The following UMODL1 variants were observed in gnomAD, a reference collection of about 807,000 sequenced individuals.
UMODL1 encodes the protein uromodulin-like 1.
Under a neutral mutation model 136.3 loss-of-function variants are expected in UMODL1, and 128 were observed. That is an observed-to-expected ratio of 0.94 (90% confidence interval 0.81 to 1.09). The LOEUF (loss-of-function observed/expected upper bound fraction) is 1.09. Ranked by LOEUF, UMODL1 falls within the 50% of genes least tolerant of loss-of-function variation. The probability of loss-of-function intolerance (pLI) is 0.00; values close to 1 mark genes in which losing one functional copy is unlikely to be tolerated. For missense variants in UMODL1, 1,766 were observed against 1,725.6 expected (o/e 1.02, Z -0.41); for synonymous variants, 721 against 720.0 (o/e 1.00, Z -0.02).
At chr21:42,112,253 C>A (rs1006366453) in intron 12 of UMODL1, among the ~76,000 whole-genome samples, 1 of 151,278 alleles carries the variant, frequency 6.6e-6, no homozygotes, top group African/African-American at 2.5e-5. Flanking sequence ...CTTTTCTGCA[C>A]CCCCGGCTCT....
chr21:42,103,669 C>T (rs746239245), intron 8 of UMODL1, 199 bp from the exon 9 acceptor site: 12 of 714,466 alleles, frequency 1.7e-5, no homozygotes, highest in Non-Finnish European at 2.6e-5. Context: ...AGGCCAGGCC[C>T]GGCCGTCCCA....
chr21:42,134,885 A>C (rs1036497431), intron 21 of UMODL1, among the ~76,000 whole-genome samples: 1 of 151,866 alleles, frequency 6.6e-6, no homozygotes, highest in Non-Finnish European at 1.5e-5. Context: ...CAGCCTCCCA[A>C]GGTTCTGGGA....
At chr21:42,071,825 C>T (rs1158864773) in intron 1 of UMODL1, among the ~76,000 whole-genome samples, 2 of 144,090 alleles carry the variant, frequency 1.4e-5, no homozygotes, top group East Asian at 4.0e-4. Flanking sequence ...TCCTCACTTA[C>T]AGATTTAAAA....
At chr21:42,087,116 A>T (rs2066434999) in intron 4 of UMODL1, among the ~76,000 whole-genome samples, 1 of 152,162 alleles carries the variant, frequency 6.6e-6, no homozygotes. Flanking sequence ...TTGTGTTTTC[A>T]ATATTGCTGC....
chr21:42,081,279 A>G (rs1414538241), intron 2 of UMODL1, among the ~76,000 whole-genome samples: 2 of 151,710 alleles, frequency 1.3e-5, no homozygotes, highest in African/African-American at 4.8e-5. Context: ...GACAGGAGCG[A>G]CTCCTCCTCA....
Position 42,101,864 on chromosome 21 carries a change from C to A in UMODL1, c.1187-302C>A, listed in dbSNP as rs188290943. On this transcript the variant is annotated intron_variant, in intron 7 of 22. Coordinates refer to ENST00000408910, the MANE Select transcript of UMODL1 (RefSeq NM_001004416.3). The stretch of plus-strand genomic sequence containing the variant: ...TGGTTGTGAATAGGGCAAAGGAAGG[C>A]AGCAGCCACCCCACGGGAAAGGACC... 1.7e-4 allele frequency: 69 copies of A among 395,660 alleles called. 1 individual carries two copies. The highest frequency in any genetic ancestry group is 7.4e-4 in the Middle Eastern group (2 of 2,686). The allele number at this position is 395,660 out of a possible 1,614,324, so 24.5% of individuals were successfully genotyped here.
rs992517060 is a variant in UMODL1, at chr21:42,104,404, G to T, written c.1519+317G>T. Among the ~76,000 whole-genome samples, 41 of 151,886 alleles carry T rather than the reference G, an allele frequency of 2.7e-4. 1 individual carries two copies. ...CAGCGGGACAACTGCCCACCTGTGG[G>T]TCTATTTCTTTTCTTTTTTTCTTTT... On this transcript the variant is annotated intron_variant, in intron 9 of 22. Transcript: ENST00000408910.
intron 7 of UMODL1, among the ~76,000 whole-genome samples, chr21:42,100,007 A>G (rs2066607325): frequency 6.6e-6 from 1 of 152,116 alleles, no homozygotes; most frequent in Non-Finnish European, 1.5e-5. Flanking sequence ...GGTGTGGCCC[A>G]TCTGGGTCTG....
chr21:42,072,537 C>T (rs979054432), intron 1 of UMODL1, among the ~76,000 whole-genome samples: 2 of 152,176 alleles, frequency 1.3e-5, no homozygotes, highest in African/African-American at 2.4e-5. Context: ...TCCAGAACCC[C>T]TCATTGTATA....
Position 42,111,643 on chromosome 21 carries a change from T to A in UMODL1, c.2037T>A (p.Ser679Arg), listed in dbSNP as rs2146505879. The A allele has an allele frequency of 6.2e-7, 1 of 1,614,062 alleles. No homozygotes were observed. Among genetic ancestry groups the A allele is most frequent in the South Asian group, 1.1e-5 (1 of 91,072 alleles). The change falls in exon 12 of 23, where the codon AGT (serine) becomes AGA (arginine). Residue 679 changes from serine (S) to arginine (R), a missense_variant. Physicochemically the swap from Ser to Arg is moderately radical, Grantham distance 110 (BLOSUM62 -1). Transcript: ENST00000408910. ...CCACGTGGCTGCGAAATGAGGACAG[T>A]GGACCCTCCGGTTCTGTAGACCTGC... ...LNPTWLRNED[S>R]GPSGSVDLPL...
At chr21:42,077,005 GTGTGTGTGTGTGT>G (rs2066300745) in intron 2 of UMODL1, among the ~76,000 whole-genome samples, 1 of 4,420 alleles carries the variant, frequency 2.3e-4, no homozygotes, top group East Asian at 4.7e-3. Context: ...GGGGAGGGGT[GTGTGTGTGTGTGT>G]GTGTGTGTGT....
intron 4 of UMODL1, chr21:42,086,548 C>T (rs1245409868): frequency 2.2e-6 from 1 of 455,712 alleles, no homozygotes; most frequent in Non-Finnish European, 4.4e-6. Context: ...GGGGACTGCC[C>T]AATTGGCCAG....
chr21:42,141,456 C>A (rs540937979), intron 22 of UMODL1, among the ~76,000 whole-genome samples: 1 of 152,330 alleles, frequency 6.6e-6, no homozygotes, highest in East Asian at 1.9e-4. Flanking sequence ...AATGTCAGTG[C>A]CTTTTACTTA....
intron 1 of UMODL1, 107 bp from the exon 2 acceptor site, chr21:42,075,898 G>C (rs1297040533): frequency 3.3e-6 from 5 of 1,515,340 alleles, no homozygotes; most frequent in South Asian, 1.2e-5. Flanking sequence ...GCGCGAGTGC[G>C]GGAGGTGTGC....
intron 14 of UMODL1, among the ~76,000 whole-genome samples, chr21:42,117,017 A>G (rs1325413559): frequency 6.6e-6 from 1 of 152,170 alleles, no homozygotes; most frequent in Non-Finnish European, 1.5e-5. Flanking sequence ...CAGAGGTTGC[A>G]GTGAGCTGAG....
In UMODL1 at chr21:42,126,499, G is replaced by C; in HGVS notation, c.3293+9G>C. 2 of 1,614,218 alleles carry C rather than the reference G, an allele frequency of 1.2e-6. No individual in the cohort carries two copies. The highest frequency in any genetic ancestry group is 1.7e-6 in the Non-Finnish European group (2 of 1,180,032). ...TTCACCCTGGAGTGGGGGTAAGGGA[G>C]AAATGCCCCGGCTGCCCCACAGCCA... On this transcript the variant is annotated intron_variant, in intron 18 of 22. Coordinates refer to ENST00000408910, the MANE Select transcript of UMODL1 (RefSeq NM_001004416.3).
At chr21:42,070,551 A>G (rs1218552136), upstream of UMODL1, among the ~76,000 whole-genome samples, 1 of 152,210 alleles carries the variant, frequency 6.6e-6, no homozygotes, top group African/African-American at 2.4e-5. Flanking sequence ...ACTTTCATGG[A>G]GATGAAATTG....
At position 42,090,283 on chromosome 21, in the gene UMODL1, T is replaced by A; in HGVS notation, c.791-15T>A. Reference sequence around the variant, plus strand: ...TGCGACTGCTGAGTGTGGGTCCTGCTCTCCTTCCCTGTAGATGTCAATGAG... The same window carrying A: ...TGCGACTGCTGAGTGTGGGTCCTGCACTCCTTCCCTGTAGATGTCAATGAG... On this transcript the variant is annotated splice_polypyrimidine_tract_variant and intron_variant, in intron 5 of 22. Transcript: ENST00000408910. 1 of 1,614,034 alleles carries A rather than the reference T, an allele frequency of 6.2e-7. No homozygotes were observed. The highest frequency in any genetic ancestry group is 8.5e-7 in the Non-Finnish European group (1 of 1,179,972).
Position 42,126,372 on chromosome 21 carries a change from A to T in UMODL1, c.3175A>T (p.Thr1059Ser). 6.2e-7 allele frequency: 1 copy of T among 1,614,186 alleles called. No individual in the cohort carries two copies. The highest frequency in any genetic ancestry group is 8.5e-7 in the Non-Finnish European group (1 of 1,180,026). The change falls in exon 18 of 23, where the codon ACG (threonine) becomes TCG (serine). Residue 1059 changes from threonine (T) to serine (S), a missense_variant. Coordinates refer to ENST00000408910, the MANE Select transcript of UMODL1 (RefSeq NM_001004416.3). ...SNMTNTVVRT[T>S]LRNDLSQEGI... ...CATGACGAACACCGTGGTGAGGACCACGCTGAGGAACGACCTGTCCCAGGA... is the reference window on the plus strand; with the variant it reads ...CATGACGAACACCGTGGTGAGGACCTCGCTGAGGAACGACCTGTCCCAGGA...
Sources: allele counts gnomAD v4.1 joint callset (sites outside exome capture counted in the v4.1 genomes callset), GRCh38; gene constraint gnomAD v4.1.1; transcripts MANE v1.5; gene names NCBI Gene and HGNC (gene_info 2026-07-23, HGNC 2026-07-21).